Variants in PIK3C2G observed in about 807,000 individuals in gnomAD.
PIK3C2G encodes the protein phosphatidylinositol-4-phosphate 3-kinase catalytic subunit type 2 gamma.
A neutral mutation model predicts 181.1 loss-of-function variants in PIK3C2G; 168 were observed. The ratio of observed to expected loss-of-function variants is 0.93; its 90% CI spans 0.82 to 1.05. PIK3C2G has a LOEUF of 1.05. PIK3C2G is among the 50% of genes least tolerant of loss of function. The pLI, the probability that PIK3C2G is intolerant of heterozygous loss-of-function variation, is 0.00. For synonymous variants in PIK3C2G, 573 were observed against 592.2 expected, an observed-to-expected ratio of 0.97 and a Z score of 0.47; for missense variants, 1,869 against 1,732.8, an observed-to-expected ratio of 1.08 and a Z score of -1.40.
In PIK3C2G at chr12:18,497,615, A is replaced by G. The variant is rs1351574204; in HGVS notation, c.2887-4A>G. 1.9e-6 allele frequency: 3 copies of G among 1,609,308 alleles called. No individual in the cohort carries two copies. The Admixed American group carries it at 5.1e-5, about 27-fold the overall frequency. On this transcript the variant is annotated splice_polypyrimidine_tract_variant and splice_region_variant and intron_variant, in intron 21 of 32. Transcript: ENST00000538779. ...CCCAGGGTCTATAATTTTGTTTTTA[A>G]CAGGCTGGAGATGATCTTCGTCAGG...
At chr12:18,248,936 C>T (rs1422078880) in intron 1 of PIK3C2G, among the ~76,000 whole-genome samples, 1 of 152,170 alleles carries the variant, frequency 6.6e-6, no homozygotes, top group Non-Finnish European at 1.5e-5. Context: ...GCATATTTCT[C>T]TGACCCTGTA....
chr12:18,516,278 A>G (rs1942539649), intron 24 of PIK3C2G, among the ~76,000 whole-genome samples: 1 of 97,644 alleles, frequency 1.0e-5, no homozygotes, highest in Non-Finnish European at 2.2e-5. Context: ...TTTTTTTTTC[A>G]TTCAGCATTT....
At chr12:18,271,002 C>T (rs2137052899) in intron 1 of PIK3C2G, among the ~76,000 whole-genome samples, 1 of 151,946 alleles carries the variant, frequency 6.6e-6, no homozygotes, top group South Asian at 2.1e-4. Flanking sequence ...TTCCTTTACC[C>T]TCTTTTTGTA....
chr12:18,263,144 T>G (rs1948321870), intron 1 of PIK3C2G, among the ~76,000 whole-genome samples: 1 of 152,156 alleles, frequency 6.6e-6, no homozygotes, highest in African/African-American at 2.4e-5. Context: ...CAAAAATATG[T>G]ATTTTTCTTG....
chr12:18,278,634 C>T (rs1949084616), intron 1 of PIK3C2G, among the ~76,000 whole-genome samples: 1 of 152,094 alleles, frequency 6.6e-6, no homozygotes. Context: ...GACTCTTAGA[C>T]ATGCCTTCTC....
intron 21 of PIK3C2G, 90 bp downstream of exon 21, chr12:18,496,244 C>A (rs2136084733): frequency 1.3e-6 from 1 of 777,042 alleles, no homozygotes; most frequent in South Asian, 1.8e-5. Context: ...GGCTATTTTC[C>A]TCCAGCAACA....
chr12:18,696,209 G>T, the PIK3C2G span: 2 of 1,601,380 alleles, frequency 1.2e-6, no homozygotes, highest in South Asian at 1.1e-5. Flanking sequence ...GTCTGCTCTT[G>T]TTGCTTTGGG....
At chr12:18,668,784 T>G in the PIK3C2G span, among the ~76,000 whole-genome samples, 1 of 152,178 alleles carries the variant, frequency 6.6e-6, no homozygotes, top group Non-Finnish European at 1.5e-5. Context: ...CCTGCTGATA[T>G]TCACCTCAGG....
chr12:18,517,538 A>G (rs1475613830), intron 24 of PIK3C2G, among the ~76,000 whole-genome samples: 1 of 151,838 alleles, frequency 6.6e-6, no homozygotes, highest in East Asian at 1.9e-4. Flanking sequence ...CTGTTTGTCT[A>G]TTGTTGAAGT....
At chr12:18,338,772 A>T (rs1056151356) in intron 9 of PIK3C2G, among the ~76,000 whole-genome samples, 1 of 151,640 alleles carries the variant, frequency 6.6e-6, no homozygotes, top group African/African-American at 2.4e-5. Context: ...CTATTATGCC[A>T]AATAGATCTG....
intron 20 of PIK3C2G, among the ~76,000 whole-genome samples, chr12:18,495,408 T>C (rs894071023): frequency 6.6e-6 from 1 of 152,178 alleles, no homozygotes; most frequent in Non-Finnish European, 1.5e-5. Context: ...ACAAAATATA[T>C]GTTGTACTGC....
chr12:18,501,153 C>T (rs1054767744), intron 22 of PIK3C2G, among the ~76,000 whole-genome samples: 19 of 152,160 alleles, frequency 1.2e-4, no homozygotes, highest in Non-Finnish European at 2.8e-4. Flanking sequence ...GTCAGTGAGA[C>T]CAGGAACCCA....
the PIK3C2G span, chr12:18,712,847 A>G: frequency 1.2e-6 from 2 of 1,613,750 alleles, no homozygotes; most frequent in Middle Eastern, 1.7e-4. Flanking sequence ...CATACCATGA[A>G]TGCATACTTG....
At chr12:18,315,417 C>A (rs932905073) in intron 6 of PIK3C2G, among the ~76,000 whole-genome samples, 2 of 152,018 alleles carry the variant, frequency 1.3e-5, no homozygotes, top group African/African-American at 4.8e-5. Flanking sequence ...AAGCTGAAAT[C>A]ATCATAGTTC....
the PIK3C2G span, among the ~76,000 whole-genome samples, chr12:18,675,509 C>T: frequency 6.6e-6 from 1 of 152,132 alleles, no homozygotes; most frequent in African/African-American, 2.4e-5. Context: ...CTCTGCAATT[C>T]CACCACTAGG....
In PIK3C2G at chr12:18,388,599, C is replaced by T. The variant is rs573962370; in HGVS notation, c.1996-2523C>T. Among the ~76,000 whole-genome samples, 189 of 152,268 alleles carry T rather than the reference C, an allele frequency of 1.2e-3. 2 individuals carry two copies. The highest frequency in any genetic ancestry group is 4.0e-3 in the African/African-American group (167 of 41,564). ...ACGTGTGTCTTATAATACCAACCTA[C>T]GCACAGTCCAAGTGGAAGTTCTTTG... On this transcript the variant is annotated intron_variant, in intron 14 of 32. Transcript: ENST00000538779.
At chr12:18,338,630 C>A (rs528096287) in intron 9 of PIK3C2G, 82 bp downstream of exon 9, 9 of 857,900 alleles carry the variant, frequency 1.0e-5, no homozygotes, top group Admixed American at 4.2e-5. Context: ...TTTTTACTAA[C>A]AACTATATTT....
chr12:18,694,966 A>G, the PIK3C2G span: 3 of 1,607,444 alleles, frequency 1.9e-6, no homozygotes, highest in African/African-American at 1.3e-5. Flanking sequence ...TTAAAGTATG[A>G]TTTACTCTCT....
chr12:18,570,425 T>C (rs1371664383), intron 29 of PIK3C2G, among the ~76,000 whole-genome samples: 2 of 149,806 alleles, frequency 1.3e-5, no homozygotes, highest in Non-Finnish European at 2.9e-5. Context: ...GCCAGGCTGG[T>C]CTTGAACTCC....
Sources: allele counts gnomAD v4.1 joint callset (sites outside exome capture counted in the v4.1 genomes callset), GRCh38; gene constraint gnomAD v4.1.1; transcripts MANE v1.5; gene names NCBI Gene and HGNC (gene_info 2026-07-23, HGNC 2026-07-21).